Variants in DPYD observed in about 807,000 individuals in gnomAD.
The protein encoded by DPYD is dihydropyrimidine dehydrogenase [NADP(+)].
In DPYD, 109 loss-of-function variants were observed where a neutral mutation model predicts 116.2. The ratio of observed to expected loss-of-function variants is 0.94; its 90% confidence interval spans 0.80 to 1.10. DPYD has a LOEUF of 1.10. Among genes scored for constraint, DPYD ranks in the 50% least tolerant of loss-of-function variants. The pLI is 0.00. For synonymous variants in DPYD, 440 were observed against 432.0 expected (o/e 1.02, Z -0.23); for missense variants, 1,302 against 1,254.5 (o/e 1.04, Z -0.57).
intron 8 of DPYD, among the ~76,000 whole-genome samples, chr1:97,648,435 G>T (rs1658393660): frequency 6.6e-6 from 1 of 151,906 alleles, no homozygotes; most frequent in Admixed American, 6.6e-5. Flanking sequence ...TGTTTGATAG[G>T]AAGCTAAATA....
intron 18 of DPYD, among the ~76,000 whole-genome samples, chr1:97,276,967 C>G (rs1390329527): frequency 6.6e-6 from 1 of 152,112 alleles, no homozygotes; most frequent in East Asian, 1.9e-4. Context: ...AGGTGCCCAT[C>G]AATGGTGAAC....
At chr1:97,673,389 C>T (rs1450397510) in intron 8 of DPYD, among the ~76,000 whole-genome samples, 5 of 151,940 alleles carry the variant, frequency 3.3e-5, no homozygotes, top group African/African-American at 1.2e-4. Context: ...AATGTATTCC[C>T]CCTGGGTTTG....
chr1:97,443,977 G>A (rs990636213), intron 14 of DPYD, among the ~76,000 whole-genome samples: 8 of 152,038 alleles, frequency 5.3e-5, no homozygotes, highest in Admixed American at 1.3e-4. Flanking sequence ...CCCTGATTCC[G>A]CCATTTTGGA....
rs1179387599 is a variant in DPYD at position 97,108,792 on chromosome 1, A to G, written c.2623-10160T>C. ...TGACAAAGTTTGATGTCTAGTTACA[A>G]ACTCATCTGAGACACACTCTATAGA... On this transcript the variant is annotated intron_variant, in intron 20 of 22. Coordinates refer to ENST00000370192, the MANE Select transcript of DPYD (RefSeq NM_000110.4). Among the ~76,000 whole-genome samples, 3 of 152,146 alleles carry G rather than the reference A, an allele frequency of 2.0e-5. No individual in the cohort carries two copies. In the East Asian group the frequency reaches 5.8e-4, roughly 29 times the overall value.
intron 13 of DPYD, among the ~76,000 whole-genome samples, chr1:97,492,336 G>A (rs924381359): frequency 2.0e-5 from 3 of 152,032 alleles, no homozygotes; most frequent in African/African-American, 4.8e-5. Flanking sequence ...AGTAATCCTG[G>A]TCCTTGTCAA....
At chr1:97,382,834 A>T (rs1672053992) in intron 14 of DPYD, among the ~76,000 whole-genome samples, 1 of 152,182 alleles carries the variant, frequency 6.6e-6, no homozygotes, top group South Asian at 2.1e-4. Flanking sequence ...ATACAATGCC[A>T]TTAAAATGCT....
chr1:97,203,646 T>A (rs924417776), intron 19 of DPYD, among the ~76,000 whole-genome samples: 83 of 47,804 alleles, frequency 1.7e-3, no homozygotes, highest in African/African-American at 2.8e-3. Flanking sequence ...AAAAAAATAA[T>A]AAAGGATGAG....
intron 20 of DPYD, among the ~76,000 whole-genome samples, chr1:97,180,591 C>T (rs1371251797): frequency 6.6e-6 from 1 of 152,094 alleles, no homozygotes; most frequent in Non-Finnish European, 1.5e-5. Context: ...AATCCTCAAT[C>T]TCCACCCAGA....
chr1:97,484,438 C>G (rs958999582), intron 13 of DPYD, among the ~76,000 whole-genome samples: 1 of 152,174 alleles, frequency 6.6e-6, no homozygotes, highest in African/African-American at 2.4e-5. Flanking sequence ...CTAGAATTTT[C>G]TAGGATCTTC....
At position 97,465,513 on chromosome 1, in the gene DPYD, G is replaced by T. The variant is rs528764040; in HGVS notation, c.1741-15290C>A. Among the ~76,000 whole-genome samples, 3 of 152,272 alleles carry T rather than the reference G, an allele frequency of 2.0e-5. No homozygotes were observed. In the South Asian group the frequency reaches 6.2e-4, roughly 32 times the overall value. On this transcript the variant is annotated intron_variant, in intron 13 of 22. Transcript: ENST00000370192. ...TGTGGGAGGTAAATGAATCACGGGG[G>T]TAAGTCTTTCCTGTGGTGTTCTCAT... is the stretch of plus-strand genomic sequence containing the variant.
At chr1:97,369,195 C>T (rs1340154052) in intron 16 of DPYD, among the ~76,000 whole-genome samples, 2 of 152,114 alleles carry the variant, frequency 1.3e-5, no homozygotes, top group Admixed American at 6.6e-5. Flanking sequence ...ACAATTAAAT[C>T]TATTAAGTAA....
chr1:97,340,293 T>C (rs192514509), intron 16 of DPYD, among the ~76,000 whole-genome samples: 142 of 152,134 alleles, frequency 9.3e-4, no homozygotes, highest in Admixed American at 2.9e-3. Flanking sequence ...AGATAATTAG[T>C]GATATAATGA....
intron 3 of DPYD, among the ~76,000 whole-genome samples, chr1:97,770,482 T>A (rs919333215): frequency 9.2e-5 from 14 of 152,014 alleles, no homozygotes; most frequent in Admixed American, 3.9e-4. Context: ...GAAAAAAAAA[T>A]TTTGAATAGT....
intron 19 of DPYD, among the ~76,000 whole-genome samples, chr1:97,220,621 C>T (rs761283307): frequency 5.3e-5 from 8 of 152,088 alleles, no homozygotes; most frequent in Non-Finnish European, 1.0e-4. Flanking sequence ...TATGATAGTT[C>T]ATTGAGGACA....
intron 4 of DPYD, among the ~76,000 whole-genome samples, chr1:97,729,701 A>T (rs181227023): frequency 0.013 from 2,017 of 152,214 alleles, 21 homozygotes; most frequent in Middle Eastern, 0.024. Flanking sequence ...ACCTATATAA[A>T]TTTTAAGTCA....
chr1:97,322,637 G>C (rs1193397463), intron 16 of DPYD: 1 of 151,836 alleles, frequency 6.6e-6, no homozygotes. Flanking sequence ...CTCATGTGGT[G>C]GTTTATAAGC....
intron 22 of DPYD, among the ~76,000 whole-genome samples, chr1:97,080,425 AT>A (rs1205163494): frequency 6.6e-6 from 1 of 151,958 alleles, no homozygotes; most frequent in Admixed American, 6.6e-5. Context: ...ATGCAACTAT[AT>A]TTTTTCTCTT....
chr1:97,153,573 C>A (rs1474410717), intron 20 of DPYD, among the ~76,000 whole-genome samples: 1 of 152,098 alleles, frequency 6.6e-6, no homozygotes, highest in Non-Finnish European at 1.5e-5. Context: ...AAAAAACCTT[C>A]TAGACATTGG....
chr1:97,355,280 ATTG>A (rs1265305368), intron 16 of DPYD, among the ~76,000 whole-genome samples: 2 of 152,126 alleles, frequency 1.3e-5, no homozygotes, highest in East Asian at 1.9e-4. Flanking sequence ...TTGAAAAATT[ATTG>A]TTGTATATAT....
Sources: gnomAD v4.1 joint callset for allele counts (sites outside exome capture counted in the v4.1 genomes callset) on GRCh38, gnomAD v4.1.1 for gene constraint, MANE v1.5 for transcripts, NCBI Gene and HGNC (gene_info 2026-07-23, HGNC 2026-07-21) for gene names.